Variants in DISP1 observed in about 807,000 individuals in gnomAD.
DISP1 encodes the protein dispatched RND transporter family member 1, also known as protein dispatched homolog 1.
Under a neutral mutation model 37.3 loss-of-function variants are expected in DISP1, and 30 were observed. The observed-to-expected ratio is 0.80, with a 90% CI of 0.60 to 1.09. The LOEUF (loss-of-function observed/expected upper bound fraction) is 1.09, where lower values mean the gene tolerates loss of function less well. DISP1 is among the 50% of genes least tolerant of loss of function. DISP1 has a pLI of 0.00. For synonymous variants in DISP1, 634 were observed against 690.2 expected, an observed-to-expected ratio of 0.92 and a Z score of 1.28; for missense variants, 1,598 against 1,879.5, an observed-to-expected ratio of 0.85 and a Z score of 2.77.
At chr1:222,905,438 G>C (rs980360575) in intron 1 of DISP1, among the ~76,000 whole-genome samples, 1 of 152,096 alleles carries the variant, frequency 6.6e-6, no homozygotes, top group African/African-American at 2.4e-5. Context: ...AAGAATAACT[G>C]CATTTTTCAA....
intron 3 of DISP1, among the ~76,000 whole-genome samples, chr1:222,980,521 GA>G (rs1677756331): frequency 6.6e-6 from 1 of 151,694 alleles, no homozygotes; most frequent in Non-Finnish European, 1.5e-5. Context: ...ATTGTCTACT[GA>G]TTTCAAAGCT....
intron 3 of DISP1, among the ~76,000 whole-genome samples, chr1:222,959,470 G>T (rs1308352924): frequency 6.6e-6 from 1 of 152,072 alleles, no homozygotes; most frequent in African/African-American, 2.4e-5. Flanking sequence ...GGAGGCCAAG[G>T]CAGGTGGATC....
At chr1:222,816,861 A>G (rs1472186958) in intron 1 of DISP1, among the ~76,000 whole-genome samples, 6 of 148,874 alleles carry the variant, frequency 4.0e-5, no homozygotes, top group African/African-American at 1.4e-4. Context: ...ATATGTCTCA[A>G]TTTAATCTTA....
intron 1 of DISP1, among the ~76,000 whole-genome samples, chr1:222,889,219 A>C (rs1488588650): frequency 6.6e-6 from 1 of 152,114 alleles, no homozygotes; most frequent in Non-Finnish European, 1.5e-5. Flanking sequence ...TATGTTAAGA[A>C]CAGGAGAAGA....
intron 8 of DISP1, among the ~76,000 whole-genome samples, chr1:223,001,693 T>C (rs1309345564): frequency 6.6e-6 from 1 of 152,184 alleles, no homozygotes; most frequent in Non-Finnish European, 1.5e-5. Flanking sequence ...ATTCTACGTG[T>C]CCTCATGACC....
intron 1 of DISP1, 125 bp from the exon 2 acceptor site, chr1:222,928,305 T>C (rs1572529365): frequency 6.6e-6 from 1 of 152,218 alleles, no homozygotes; most frequent in Non-Finnish European, 1.5e-5. Context: ...GTTACCATTA[T>C]TAAGACCTTG....
At chr1:222,831,294 T>C (rs1342983783) in intron 1 of DISP1, among the ~76,000 whole-genome samples, 1 of 152,212 alleles carries the variant, frequency 6.6e-6, no homozygotes, top group Non-Finnish European at 1.5e-5. Flanking sequence ...CAAATACACA[T>C]GTGGAATCAT....
intron 1 of DISP1, among the ~76,000 whole-genome samples, chr1:222,825,499 C>CTTTTTTTT (rs954921482): frequency 2.3e-5 from 3 of 131,818 alleles, no homozygotes; most frequent in Non-Finnish European, 4.8e-5. Flanking sequence ...ACCTGTTTCT[C>CTTTTTTTT]TTTTTTTTTT....
chr1:222,867,888 T>C (rs2125337624), intron 1 of DISP1, among the ~76,000 whole-genome samples: 1 of 152,286 alleles, frequency 6.6e-6, no homozygotes, highest in Non-Finnish European at 1.5e-5. Context: ...TTTTCTCTAC[T>C]CCCTAATGCT....
intron 1 of DISP1, among the ~76,000 whole-genome samples, chr1:222,916,378 G>A (rs940328579): frequency 2.1e-4 from 32 of 152,250 alleles, no homozygotes; most frequent in African/African-American, 7.5e-4. Flanking sequence ...GCCCAGTAAA[G>A]TCTACCATTT....
chr1:222,983,076 T>C lies in DISP1; in HGVS notation c.510-4T>C, dbSNP rs1572692672. The C allele has an allele frequency of 1.3e-6, 2 of 1,593,564 alleles. No individual in the cohort carries two copies. Among genetic ancestry groups the C allele is most frequent in the East Asian group, 4.5e-5 (2 of 44,748 alleles). On this transcript the variant is annotated splice_polypyrimidine_tract_variant and splice_region_variant and intron_variant, in intron 3 of 8. Transcript: ENST00000675850. Reference sequence around the variant, plus strand: ...CATTTTTCCTTTGCTTTTTTTTTTTTCAGACCATCCAGACCTTTCAAGTTG... The same window carrying C: ...CATTTTTCCTTTGCTTTTTTTTTTTCCAGACCATCCAGACCTTTCAAGTTG...
chr1:222,940,048 C>T (rs1157504408), intron 2 of DISP1, among the ~76,000 whole-genome samples: 3 of 151,700 alleles, frequency 2.0e-5, no homozygotes, highest in African/African-American at 7.3e-5. Context: ...ATGGCATGAA[C>T]CTGGGAGGTG....
rs1674522162 is a variant in DISP1 at position 222,943,319 on chromosome 1, A to G, written c.496A>G (p.Ile166Val). The change falls in exon 3 of 9, where the codon ATA (isoleucine) becomes GTA (valine). Residue 166 changes from isoleucine to valine, a missense_variant. Coordinates refer to ENST00000675850, the MANE Select transcript of DISP1 (RefSeq NM_001377229.1). ...TCAGCATCAGCCTGTGCAACAGCACATAGCCAACATAAGGTAAGTGATCCG... is the reference window on the plus strand; with the variant it reads ...TCAGCATCAGCCTGTGCAACAGCACGTAGCCAACATAAGGTAAGTGATCCG... Reference protein sequence around the residue: ...HFQHQPVQQHIANIRPSRPFK... With the variant: ...HFQHQPVQQHVANIRPSRPFK... 2 of 1,614,278 alleles carry G rather than the reference A, an allele frequency of 1.2e-6. No homozygotes were observed. Among genetic ancestry groups the G allele is most frequent in the South Asian group, 1.1e-5 (1 of 91,086 alleles).
chr1:222,933,975 A>G (rs538263278), intron 2 of DISP1, among the ~76,000 whole-genome samples: 26 of 152,192 alleles, frequency 1.7e-4, no homozygotes, highest in Non-Finnish European at 3.4e-4. Context: ...TTAAGTTTGC[A>G]TAATATGATA....
chr1:222,961,342 C>T (rs1262686431), intron 3 of DISP1, among the ~76,000 whole-genome samples: 1 of 152,180 alleles, frequency 6.6e-6, no homozygotes, highest in African/African-American at 2.4e-5. Flanking sequence ...CGTAATCCAT[C>T]ACATAAACAG....
chr1:223,003,868 A>G lies in DISP1; in HGVS notation c.2471A>G (p.Gln824Arg), dbSNP rs763588849. Residue 824 changes from glutamine (Q) to arginine (R), a missense_variant, in exon 9 of 9, where the codon CAG becomes CGG. Transcript: ENST00000675850. This position sits in a 1 kb window ranked among gnomAD's most constrained non-coding sequence, Gnocchi z 4.3. ...SSFNIASPASQAWILHFCQKL... is the reference protein window; with the variant it reads ...SSFNIASPASRAWILHFCQKL... ...TTTAACATCGCCAGCCCAGCTTCCCAGGCCTGGATTTTGCACTTCTGTCAA... is the reference window on the plus strand; with the variant it reads ...TTTAACATCGCCAGCCCAGCTTCCCGGGCCTGGATTTTGCACTTCTGTCAA... 1.2e-6 allele frequency: 2 copies of G among 1,614,176 alleles called. No homozygotes were observed. Among genetic ancestry groups the G allele is most frequent in the Admixed American group, 1.7e-5 (1 of 60,024 alleles).
chr1:222,938,762 A>C (rs957237310), intron 2 of DISP1, among the ~76,000 whole-genome samples: 1 of 122,340 alleles, frequency 8.2e-6, no homozygotes, highest in African/African-American at 3.1e-5. Flanking sequence ...AAAAAAAAAA[A>C]GGAAGGAAGG....
At chr1:222,879,491 G>C (rs754769549) in intron 1 of DISP1, among the ~76,000 whole-genome samples, 1 of 151,830 alleles carries the variant, frequency 6.6e-6, no homozygotes, top group Non-Finnish European at 1.5e-5. Flanking sequence ...AAGATATTTT[G>C]GAAATTATAT....
At chr1:222,901,818 T>A (rs1671604182) in intron 1 of DISP1, among the ~76,000 whole-genome samples, 2 of 152,196 alleles carry the variant, frequency 1.3e-5, no homozygotes, top group Non-Finnish European at 2.9e-5. Flanking sequence ...TGAGCCACTG[T>A]CCAATACTTA....
Sources: allele counts gnomAD v4.1 joint callset (sites outside exome capture counted in the v4.1 genomes callset), GRCh38; gene constraint gnomAD v4.1.1; non-coding constraint Gnocchi (gnomAD v3.1); transcripts MANE v1.5; gene names NCBI Gene and HGNC (gene_info 2026-07-23, HGNC 2026-07-21).